BACE2: variants seen among roughly 807,000 people sequenced by gnomAD.
The protein encoded by BACE2 is 56 kDa aspartic-like protease.
Under a neutral mutation model 46.2 loss-of-function variants are expected in BACE2, and 17 were observed. That is an observed-to-expected ratio of 0.37 (90% CI 0.25 to 0.55). The LOEUF (loss-of-function observed/expected upper bound fraction) is 0.55. BACE2 is among the 20% of genes least tolerant of loss of function. The pLI is 0.82. For synonymous variants in BACE2, 277 were observed against 295.9 expected, an observed-to-expected ratio of 0.94 and a Z score of 0.66; for missense variants, 595 against 698.1, an observed-to-expected ratio of 0.85 and a Z score of 1.66.
intron 6 of BACE2, among the ~76,000 whole-genome samples, chr21:41,249,357 C>G: frequency 6.7e-6 from 1 of 149,674 alleles, no homozygotes; most frequent in African/African-American, 2.5e-5. Flanking sequence ...CCTCAGGGGA[C>G]TCAGAACTAG....
chr21:41,271,247 TAGCAGTC>T (rs2088431299), intron 8 of BACE2, among the ~76,000 whole-genome samples: 1 of 151,900 alleles, frequency 6.6e-6, no homozygotes, highest in African/African-American at 2.4e-5. Context: ...TTATCTAATT[TAGCAGTC>T]TCTGTTTTTT....
intron 1 of BACE2, among the ~76,000 whole-genome samples, chr21:41,194,409 C>G: frequency 6.6e-6 from 1 of 152,192 alleles, no homozygotes; most frequent in East Asian, 1.9e-4. Flanking sequence ...TCTCAGCTCG[C>G]TTTCCTCTGG....
intron 2 of BACE2, among the ~76,000 whole-genome samples, chr21:41,233,014 G>A (rs1223402776): frequency 1.1e-4 from 16 of 151,792 alleles, no homozygotes; most frequent in South Asian, 2.1e-4. Flanking sequence ...GACTACAGGC[G>A]CCCGCCACCA....
intron 1 of BACE2, among the ~76,000 whole-genome samples, chr21:41,196,189 T>C (rs1038830753): frequency 6.6e-6 from 1 of 151,934 alleles, no homozygotes; most frequent in Non-Finnish European, 1.5e-5. Flanking sequence ...TCCCAGCTGC[T>C]TGGGAGGCTG....
intron 1 of BACE2, among the ~76,000 whole-genome samples, chr21:41,197,465 A>C (rs183818113): frequency 6.6e-6 from 1 of 152,246 alleles, no homozygotes; most frequent in African/African-American, 2.4e-5. Flanking sequence ...TTTAATGCTA[A>C]GTGAGAAGCG....
intron 1 of BACE2, among the ~76,000 whole-genome samples, chr21:41,205,413 A>G (rs528194246): frequency 2.6e-5 from 4 of 152,366 alleles, no homozygotes; most frequent in Non-Finnish European, 5.9e-5. Flanking sequence ...CCTTGCAATT[A>G]TTCTAGATAT....
chr21:41,193,944 G>A lies in BACE2; in HGVS notation c.312+25369G>A, dbSNP rs192673296. Among the ~76,000 whole-genome samples, 1 of 152,274 alleles carries A rather than the reference G, an allele frequency of 6.6e-6. No homozygotes were observed. Among genetic ancestry groups the A allele is most frequent in the African/African-American group, 2.4e-5 (1 of 41,548 alleles). On this transcript the variant is annotated intron_variant, in intron 1 of 8. Transcript: ENST00000330333. This position sits in a 1 kb window ranked among gnomAD's most constrained non-coding sequence, Gnocchi z 4.2. ...ACAGTTACCCTGATAAAAGGCCAGAGGTCTCTTTGGGGAAGGATGGGAGAA... is the reference window on the plus strand; with the variant it reads ...ACAGTTACCCTGATAAAAGGCCAGAAGTCTCTTTGGGGAAGGATGGGAGAA...
intron 8 of BACE2, among the ~76,000 whole-genome samples, chr21:41,269,953 C>T (rs1038381123): frequency 1.2e-4 from 18 of 152,320 alleles, no homozygotes; most frequent in African/African-American, 3.8e-4. Context: ...TGTCACATTC[C>T]TGCCAACAGT....
At chr21:41,243,282 G>T in intron 4 of BACE2, 94 bp from the exon 5 acceptor site, 1 of 1,034,398 alleles carries the variant, frequency 9.7e-7, no homozygotes, top group Non-Finnish European at 1.3e-6. Flanking sequence ...TGATTGCAGT[G>T]AAGTTTCTCT....
chr21:41,224,841 C>T (rs937822538), intron 1 of BACE2, among the ~76,000 whole-genome samples: 1 of 152,196 alleles, frequency 6.6e-6, no homozygotes, highest in Non-Finnish European at 1.5e-5. Flanking sequence ...GGATACAGAG[C>T]ACATAAACCA....
intron 1 of BACE2, among the ~76,000 whole-genome samples, chr21:41,219,684 G>A (rs2837970): frequency 0.46 from 69,898 of 152,106 alleles, 19,131 homozygotes; most frequent in African/African-American, 0.77. Context: ...TTTGATACAT[G>A]CAAGAATTAC....
chr21:41,223,380 A>G (rs2123568558), intron 1 of BACE2, among the ~76,000 whole-genome samples: 1 of 151,404 alleles, frequency 6.6e-6, no homozygotes, highest in Admixed American at 6.6e-5. Context: ...CCAGGAATGT[A>G]TTCTTTCACA....
At chr21:41,264,838 G>A (rs889989355) in intron 8 of BACE2, among the ~76,000 whole-genome samples, 1 of 152,176 alleles carries the variant, frequency 6.6e-6, no homozygotes, top group Admixed American at 6.5e-5. Flanking sequence ...CAAAAGGTTA[G>A]CCAAGCATGG....
At chr21:41,242,851 C>A (rs1412882004) in intron 4 of BACE2, among the ~76,000 whole-genome samples, 1 of 152,122 alleles carries the variant, frequency 6.6e-6, no homozygotes, top group East Asian at 1.9e-4. Flanking sequence ...GGGCCTAATA[C>A]CATCTGACCT....
rs1568853912 is a variant in BACE2, at chr21:41,174,138, C to CTTTTTTTTTTTTT, written c.312+5563_312+5564insTTTTTTTTTTTTT. ...TAAGGATAGCTGTTGTGATCAGTGGCCTTTTTTTTTTTTTTTTTTTTTTTT... is the reference window on the plus strand; with the variant it reads ...TAAGGATAGCTGTTGTGATCAGTGGCTTTTTTTTTTTTTCTTTTTTTTTTTTTTTTTTTTTTTT... On this transcript the variant is annotated intron_variant, in intron 1 of 8. Coordinates refer to ENST00000330333, the MANE Select transcript of BACE2 (RefSeq NM_012105.5). Among the ~76,000 whole-genome samples the CTTTTTTTTTTTTT allele has an allele frequency of 5.8e-4, 41 of 70,638 alleles. 6 individuals carry two copies. Among genetic ancestry groups the CTTTTTTTTTTTTT allele is most frequent in the African/African-American group, 2.6e-3 (27 of 10,554 alleles). 46.3% of individuals were successfully genotyped at this position (70,638 alleles called of 152,430 possible).
chr21:41,242,037 A>G, intron 4 of BACE2, 90 bp downstream of exon 4: 5 of 1,544,426 alleles, frequency 3.2e-6, no homozygotes, highest in Non-Finnish European at 4.4e-6. Context: ...CAGAAATATT[A>G]GGCATGTAGG....
At position 41,220,708 on chromosome 21, in the gene BACE2, T is replaced by TTA. The variant is rs541655473; in HGVS notation, c.313-5550_313-5549dup. Reference sequence around the variant, plus strand: ...ATAATAAATTATTATATATAATACATTATATATATGTAAATATATTTTTAT... The same window carrying TTA: ...ATAATAAATTATTATATATAATACATTATATATATATGTAAATATATTTTTAT... On this transcript the variant is annotated intron_variant, in intron 1 of 8. Coordinates refer to ENST00000330333, the MANE Select transcript of BACE2 (RefSeq NM_012105.5). Among the ~76,000 whole-genome samples, 350 of 150,450 alleles carry TTA rather than the reference T, an allele frequency of 2.3e-3. 1 individual carries two copies. Among genetic ancestry groups the TTA allele is most frequent in the African/African-American group, 7.9e-3 (328 of 41,260 alleles).
intron 8 of BACE2, among the ~76,000 whole-genome samples, chr21:41,257,911 A>G (rs1281106319): frequency 2.0e-5 from 3 of 152,190 alleles, no homozygotes; most frequent in South Asian, 2.1e-4. Context: ...GATAAACCCC[A>G]TAAGCTTGAA....
intron 7 of BACE2, among the ~76,000 whole-genome samples, chr21:41,255,511 G>T (rs540060258): frequency 6.6e-6 from 1 of 152,218 alleles, no homozygotes; most frequent in Non-Finnish European, 1.5e-5. Context: ...CCACACGGAC[G>T]AAGTGATTAG....
Sources: allele counts gnomAD v4.1 joint callset (sites outside exome capture counted in the v4.1 genomes callset), GRCh38; gene constraint gnomAD v4.1.1; non-coding constraint Gnocchi (gnomAD v3.1); transcripts MANE v1.5; gene names NCBI Gene and HGNC (gene_info 2026-07-23, HGNC 2026-07-21).